DNAH1: variants seen among roughly 807,000 people sequenced by gnomAD.
The protein encoded by DNAH1 is axonemal beta dynein heavy chain 1.
DNAH1 carries 327 observed loss-of-function variants against 484.3 expected under a neutral mutation model. The ratio of observed to expected loss-of-function variants is 0.68; its 90% CI spans 0.62 to 0.74. The LOEUF is 0.74. DNAH1 is among the 30% of genes least tolerant of loss of function. DNAH1 has a pLI of 0.00. For missense variants in DNAH1, 5,052 were observed against 5,546.8 expected (o/e 0.91, Z 2.83); for synonymous variants, 2,192 against 2,191.9 (o/e 1.00, Z 0.00).
intron 51 of DNAH1, 119 bp from the exon 52 acceptor site, chr3:52,383,741 C>A: frequency 1.4e-6 from 2 of 1,404,564 alleles, no homozygotes; most frequent in Non-Finnish European, 1.9e-6. Flanking sequence ...TGGGCCCAGG[C>A]TGCTGTGCTG....
intron 22 of DNAH1, among the ~76,000 whole-genome samples, chr3:52,357,183 C>G (rs1039491483): frequency 5.3e-5 from 8 of 152,036 alleles, no homozygotes; most frequent in African/African-American, 1.9e-4. Flanking sequence ...TACCAAGTAG[C>G]TGGGATTACA....
rs368588290 is a variant in DNAH1, at chr3:52,364,792, C to T, written c.5332-41C>T. On this transcript the variant is annotated intron_variant, in intron 33 of 77. Coordinates refer to ENST00000420323, the MANE Select transcript of DNAH1 (RefSeq NM_015512.5). This position sits in a 1 kb window ranked among gnomAD's most constrained non-coding sequence, Gnocchi z 4.2. ...GGGCTCCTGGGCAGCTGGAGGGCAG[C>T]TGGCCCACTGCCCTGAAGGCTCAGC... 5.4e-5 allele frequency: 87 copies of T among 1,607,026 alleles called. No homozygotes were observed. The African/African-American group carries it at 1.1e-3, about 20-fold the overall frequency.
chr3:52,358,433 G>C lies in DNAH1; in HGVS notation c.4087-125G>C, dbSNP rs535732483. 2.4e-3 allele frequency: 2,556 copies of C among 1,057,698 alleles called. 7 individuals are homozygous for C. Among genetic ancestry groups the C allele is most frequent in the Admixed American group, 4.4e-3 (153 of 34,786 alleles). The allele number at this position is 1,057,698 out of a possible 1,614,324, so 65.5% of individuals were successfully genotyped here. ...CCCAGCCAAGATAGACTCTCGGGGG[G>C]ACGGGAAGGCAGGGCTTTCTTCTTG... On this transcript the variant is annotated intron_variant, in intron 24 of 77. Transcript: ENST00000420323. This position sits in a 1 kb window ranked among gnomAD's most constrained non-coding sequence, Gnocchi z 4.2.
rs375621008 is a variant in DNAH1 at position 52,389,484 on chromosome 3, C to T, written c.9519C>T (p.Tyr3173=). ...AGGGCCAGTACCGCACGGTGCTCTA[C>T]GACAGCTGGGTCAAGCAGCTCAGGA... ...PFTGQYRTVL[Y]DSWVKQLRSH... is the part of the protein sequence containing the mutation. Residue 3173 remains tyrosine, a synonymous_variant, in exon 60 of 78, where the codon TAC becomes TAT. Coordinates refer to ENST00000420323, the MANE Select transcript of DNAH1 (RefSeq NM_015512.5). 4.7e-5 allele frequency: 76 copies of T among 1,608,750 alleles called. No homozygotes were observed. Among genetic ancestry groups the T allele is most frequent in the South Asian group, 3.1e-4 (28 of 89,784 alleles).
Position 52,346,643 on chromosome 3 carries a change from A to T in DNAH1, c.1828A>T (p.Thr610Ser). The T allele has an allele frequency of 6.2e-7, 1 of 1,614,074 alleles. No homozygotes were observed. The highest frequency in any genetic ancestry group is 8.5e-7 in the Non-Finnish European group (1 of 1,179,900). ...GCTGGTGAAGTACATGCTGCAGGAC[A>T]CACTGCGCTTCCTGGTGCAGGACTC... ...MELVKYMLQD[T>S]LRFLVQDSLA... Residue 610 changes from threonine (T) to serine (S), a missense_variant, in exon 11 of 78, where the codon ACA becomes TCA. Thr to Ser is a moderately conservative substitution (Grantham distance 58, BLOSUM62 1). Coordinates refer to ENST00000420323, the MANE Select transcript of DNAH1 (RefSeq NM_015512.5).
In DNAH1 at chr3:52,381,893, G is replaced by A. The variant is rs779741359; in HGVS notation, c.7805+57G>A. The A allele has an allele frequency of 1.5e-5, 23 of 1,513,170 alleles. No homozygotes were observed. Among genetic ancestry groups the A allele is most frequent in the Non-Finnish European group, 2.0e-5 (23 of 1,125,258 alleles). 93.7% of individuals were successfully genotyped at this position (1,513,170 alleles called of 1,614,324 possible). A position where few individuals can be genotyped will look rare whatever the true frequency, so the allele number is the denominator to read the frequency against. ...GCGGCCAGGGCTGGCTGGTCGGTTTGACTGACCCATGCTTTTGCACAGTGG... is the reference window on the plus strand; with the variant it reads ...GCGGCCAGGGCTGGCTGGTCGGTTTAACTGACCCATGCTTTTGCACAGTGG... On this transcript the variant is annotated intron_variant, in intron 49 of 77. Transcript: ENST00000420323. This position sits in a 1 kb window ranked among gnomAD's most constrained non-coding sequence, Gnocchi z 4.1.
intron 1 of DNAH1, among the ~76,000 whole-genome samples, chr3:52,318,824 C>T (rs1356958168): frequency 1.3e-5 from 2 of 152,178 alleles, no homozygotes; most frequent in Non-Finnish European, 2.9e-5. Flanking sequence ...GCCTGGTCGC[C>T]CCAAGGGCAG....
intron 1 of DNAH1, among the ~76,000 whole-genome samples, chr3:52,319,126 A>C (rs1701053376): frequency 6.6e-6 from 1 of 152,200 alleles, no homozygotes; most frequent in African/African-American, 2.4e-5. Flanking sequence ...AAGTTTCTTT[A>C]CTTTCCTGGG....
rs1704388687 is a variant in DNAH1 at position 52,391,577 on chromosome 3, C to T, written c.10026C>T (p.Thr3342=). The T allele has an allele frequency of 2.5e-6, 4 of 1,613,870 alleles. No homozygotes were observed. The highest frequency in any genetic ancestry group is 1.1e-5 in the South Asian group (1 of 91,078). Residue 3342 remains threonine (T), a synonymous_variant, in exon 63 of 78, where the codon ACC becomes ACT. Transcript: ENST00000420323. ...CGCCCGAGATCTCCACCAAACTCAC[C>T]CTCATCAACTTCACCCTGTCGCCCA... ...HYTPEISTKL[T]LINFTLSPSG...
intron 59 of DNAH1, 67 bp downstream of exon 59, chr3:52,389,004 C>T (rs940183947): frequency 1.1e-5 from 17 of 1,491,776 alleles, no homozygotes; most frequent in Non-Finnish European, 1.4e-5. Context: ...CCCCTTGAGG[C>T]CTCGCCTCCA....
chr3:52,347,559 G>T (rs1242599696), intron 11 of DNAH1, among the ~76,000 whole-genome samples: 1 of 152,178 alleles, frequency 6.6e-6, no homozygotes, highest in African/African-American at 2.4e-5. Context: ...CAATGCCTAG[G>T]CCCTGGCAAC....
chr3:52,322,601 A>T lies in DNAH1; in HGVS notation c.159A>T (p.Pro53=). The T allele has an allele frequency of 1.2e-6, 2 of 1,613,828 alleles. No individual in the cohort carries two copies. Among genetic ancestry groups the T allele is most frequent in the South Asian group, 2.2e-5 (2 of 91,076 alleles). ...CAGACTATGGGTTGGGAAATCCTCC[A>T]GCCCTTGACCCCAAGCTCCCACATT... ...PGSDYGLGNP[P]ALDPKLPHLP... Residue 53 remains proline, a synonymous_variant, in exon 2 of 78, where the codon CCA becomes CCT. Coordinates refer to ENST00000420323, the MANE Select transcript of DNAH1 (RefSeq NM_015512.5).
intron 4 of DNAH1, 114 bp downstream of exon 4, chr3:52,326,428 A>C (rs1701347779): frequency 1.8e-5 from 23 of 1,298,644 alleles, no homozygotes; most frequent in Non-Finnish European, 2.1e-5. Flanking sequence ...CCTGTGCACA[A>C]GTGTTTAGAT....
intron 3 of DNAH1, among the ~76,000 whole-genome samples, chr3:52,324,902 G>A (rs980854671): frequency 1.3e-5 from 2 of 152,122 alleles, no homozygotes; most frequent in African/African-American, 2.4e-5. Flanking sequence ...GCAACCAGTA[G>A]TGGACATTCA....
intron 22 of DNAH1, 41 bp downstream of exon 22, chr3:52,356,819 A>G (rs1702630090): frequency 5.1e-6 from 8 of 1,560,808 alleles, no homozygotes; most frequent in Non-Finnish European, 5.2e-6. Context: ...GGGATCCCCA[A>G]GGGCCCTGGT....
chr3:52,314,872 G>C (rs1578051095), upstream of DNAH1, among the ~76,000 whole-genome samples: 1 of 152,164 alleles, frequency 6.6e-6, no homozygotes, highest in African/African-American at 2.4e-5. Flanking sequence ...AGGGGATTAG[G>C]TGGGGGCTGT....
At position 52,372,940 on chromosome 3, in the gene DNAH1, T is replaced by C; in HGVS notation, c.6872T>C (p.Phe2291Ser). 1 of 1,613,706 alleles carries C rather than the reference T, an allele frequency of 6.2e-7. No individual in the cohort carries two copies. The highest frequency in any genetic ancestry group is 1.1e-5 in the South Asian group (1 of 91,068). Residue 2291 changes from phenylalanine (F) to serine (S), a missense_variant, in exon 44 of 78, where the codon TTC (phenylalanine) becomes TCC (serine). This residue lies in a region of DNAH1 where 2,929 missense variants were observed against 3,409.4 expected (regional missense o/e 0.86). Transcript: ENST00000420323. The stretch of plus-strand genomic sequence containing the variant: ...CCACCTCTGGGGCGCAACTTTATCT[T>C]CTTCATCGATGACCTGAACATGCCG... The part of the protein sequence containing the change: ...FGPPLGRNFI[F>S]FIDDLNMPAL...
intron 47 of DNAH1, 37 bp downstream of exon 47, chr3:52,378,817 C>A (rs780226026): frequency 1.1e-4 from 179 of 1,610,462 alleles, no homozygotes; most frequent in Non-Finnish European, 1.5e-4. Context: ...AGTGCCCACA[C>A]TGCTCTCCGC....
chr3:52,358,824 C>G lies in DNAH1; in HGVS notation c.4266+87C>G, dbSNP rs1702730552. The G allele has an allele frequency of 1.3e-6, 2 of 1,524,598 alleles. No homozygotes were observed. The highest frequency in any genetic ancestry group is 1.8e-6 in the Non-Finnish European group (2 of 1,123,834). The allele number at this position is 1,524,598 out of a possible 1,614,324, so 94.4% of individuals were successfully genotyped here. ...CCCTCCTGCTCTAGCCGGCCTCGTC[C>G]TCAGGCTGCAGCCCTGAGGTCCCTG... is the stretch of plus-strand genomic sequence containing the variant. On this transcript the variant is annotated intron_variant, in intron 25 of 77. Transcript: ENST00000420323. This position sits in a 1 kb window ranked among gnomAD's most constrained non-coding sequence, Gnocchi z 4.2.
Sources: gnomAD v4.1 joint callset for allele counts (sites outside exome capture counted in the v4.1 genomes callset) on GRCh38, gnomAD v4.1.1 for gene constraint, gnomAD v4.1.1 regional missense constraint, Gnocchi (gnomAD v3.1) non-coding constraint, MANE v1.5 for transcripts, NCBI Gene and HGNC (gene_info 2026-07-23, HGNC 2026-07-21) for gene names.